GAS7: variants seen among roughly 807,000 people sequenced by gnomAD.
GAS7 encodes the protein growth arrest specific 7.
GAS7 carries 28 observed loss-of-function variants against 71.1 expected under a neutral mutation model. That is an observed-to-expected ratio of 0.39 (90% CI 0.29 to 0.54). The LOEUF is 0.54. Ranked by LOEUF, GAS7 falls within the 20% of genes least tolerant of loss-of-function variation. The pLI is 0.62. For synonymous variants in GAS7, 258 were observed against 245.8 expected (o/e 1.05, Z -0.46); for missense variants, 436 against 627.8 (o/e 0.69, Z 3.27).
chr17:9,935,454 A>G lies in GAS7; in HGVS notation c.807-1210T>C, dbSNP rs571365816. Among the ~76,000 whole-genome samples the G allele has an allele frequency of 4.5e-4, 68 of 152,368 alleles. 1 individual carries two copies. The South Asian group carries it at 0.011, about 24-fold the overall frequency. On this transcript the variant is annotated intron_variant, in intron 8 of 13. Coordinates refer to ENST00000432992, the MANE Select transcript of GAS7 (RefSeq NM_201433.2). ...CGCTTTCTTGCTCCCAGCCTCTTCA[A>G]CACAGCCAGTAAATCCAGGCTGAAT...
intron 2 of GAS7, among the ~76,000 whole-genome samples, chr17:10,017,258 G>C (rs1259046138): frequency 1.3e-5 from 2 of 152,076 alleles, no homozygotes; most frequent in South Asian, 2.1e-4. Context: ...TATGGTCCAA[G>C]GGACCAACTG....
At chr17:10,020,947 CA>C (rs1388230722) in intron 1 of GAS7, among the ~76,000 whole-genome samples, 4 of 151,964 alleles carry the variant, frequency 2.6e-5, no homozygotes, top group African/African-American at 9.7e-5. Flanking sequence ...AACAAACAAA[CA>C]AAAAACAGCC....
chr17:10,082,361 T>C (rs1461783480), intron 1 of GAS7, among the ~76,000 whole-genome samples: 2 of 152,160 alleles, frequency 1.3e-5, no homozygotes, highest in Admixed American at 6.5e-5. Flanking sequence ...ATGTGGCCAA[T>C]GTTAATACTT....
At chr17:10,052,554 G>A (rs1238210094) in intron 1 of GAS7, among the ~76,000 whole-genome samples, 1 of 152,232 alleles carries the variant, frequency 6.6e-6, no homozygotes, top group Non-Finnish European at 1.5e-5. Context: ...GTAGCTGTGA[G>A]CAGTTTTGTT....
chr17:10,164,879 T>G (rs939877172), intron 1 of GAS7, among the ~76,000 whole-genome samples: 2 of 146,764 alleles, frequency 1.4e-5, no homozygotes, highest in African/African-American at 2.5e-5. Flanking sequence ...CTGGGCGCAG[T>G]GGCTCACGCC....
intron 3 of GAS7, among the ~76,000 whole-genome samples, chr17:9,975,507 A>T (rs1297682389): frequency 8.2e-6 from 1 of 121,604 alleles, no homozygotes. Context: ...CCTTCTACCC[A>T]TCCTCCTTCC....
intron 6 of GAS7, among the ~76,000 whole-genome samples, chr17:9,946,390 C>T (rs536421776): frequency 1.3e-5 from 2 of 152,288 alleles, no homozygotes; most frequent in Admixed American, 6.5e-5. Context: ...TTTAATCTTG[C>T]AAAACTAAAA....
intron 3 of GAS7, among the ~76,000 whole-genome samples, chr17:9,970,884 G>T (rs1005317352): frequency 6.6e-6 from 1 of 152,072 alleles, no homozygotes; most frequent in African/African-American, 2.4e-5. Context: ...ATTCACACTG[G>T]GACCCACGTG....
chr17:9,938,134 G>A (rs1351079961), intron 8 of GAS7, among the ~76,000 whole-genome samples: 2 of 152,158 alleles, frequency 1.3e-5, no homozygotes, highest in Admixed American at 6.5e-5. Flanking sequence ...ATTTGGCAAT[G>A]GGGCCTTTAA....
Position 10,004,372 on chromosome 17 carries a change from T to C in GAS7, c.304+15405A>G, listed in dbSNP as rs373788147. Among the ~76,000 whole-genome samples, 16 of 152,304 alleles carry C rather than the reference T, an allele frequency of 1.1e-4. No individual in the cohort carries two copies. The East Asian group carries it at 3.1e-3, about 29-fold the overall frequency. ...ACCTACAGATCATTTCAATGCATAC[T>C]AGGAGTTTCACTGACTCGCTGGGAC... is the stretch of plus-strand genomic sequence containing the variant. On this transcript the variant is annotated intron_variant, in intron 2 of 13. Coordinates refer to ENST00000432992, the MANE Select transcript of GAS7 (RefSeq NM_201433.2).
intron 1 of GAS7, among the ~76,000 whole-genome samples, chr17:10,045,559 T>C (rs796871886): frequency 2.6e-5 from 4 of 152,164 alleles, no homozygotes; most frequent in African/African-American, 9.6e-5. Flanking sequence ...TAGCTGAGTG[T>C]GGTGGTGGTC....
At chr17:9,965,050 G>T (rs551874951) in intron 4 of GAS7, among the ~76,000 whole-genome samples, 1 of 152,228 alleles carries the variant, frequency 6.6e-6, no homozygotes, top group South Asian at 2.1e-4. Context: ...TCACAAAAAG[G>T]CCCAGGCACT....
At chr17:10,153,205 G>A (rs148484323) in intron 1 of GAS7, among the ~76,000 whole-genome samples, 755 of 17,558 alleles carry the variant, frequency 0.043, 14 homozygotes, top group African/African-American at 0.24. Context: ...GCAAGCCTCC[G>A]TCTCAAAAAA....
chr17:10,044,023 A>C (rs2152230188), intron 1 of GAS7, among the ~76,000 whole-genome samples: 1 of 152,388 alleles, frequency 6.6e-6, no homozygotes, highest in African/African-American at 2.4e-5. Context: ...TCATCTGTTT[A>C]AAAGATGAAA....
At chr17:9,968,683 C>T (rs943116426) in intron 4 of GAS7, among the ~76,000 whole-genome samples, 2 of 152,214 alleles carry the variant, frequency 1.3e-5, no homozygotes. Context: ...GTCTCAGATG[C>T]AGACAGAACC....
chr17:10,071,186 G>A (rs1311098026), intron 1 of GAS7, among the ~76,000 whole-genome samples: 9 of 151,944 alleles, frequency 5.9e-5, no homozygotes, highest in South Asian at 4.1e-4. Context: ...CCAGTGAGGC[G>A]ACTTGAGAGC....
intron 1 of GAS7, among the ~76,000 whole-genome samples, chr17:10,093,552 C>T (rs1175613879): frequency 3.0e-5 from 2 of 66,056 alleles, no homozygotes; most frequent in Non-Finnish European, 5.3e-5. Context: ...GACTCCGTCT[C>T]AAAAAAAAAA....
At chr17:10,061,054 C>T (rs1381501911) in intron 1 of GAS7, among the ~76,000 whole-genome samples, 4 of 152,138 alleles carry the variant, frequency 2.6e-5, no homozygotes, top group Non-Finnish European at 2.9e-5. Context: ...GCAAATCCAC[C>T]GAAGGCTCTG....
intron 1 of GAS7, among the ~76,000 whole-genome samples, chr17:10,072,654 T>G (rs887896690): frequency 6.6e-6 from 1 of 152,260 alleles, no homozygotes; most frequent in East Asian, 1.9e-4. Context: ...CCCTCTCTGA[T>G]AGAAGCATCT....
Sources: gnomAD v4.1 joint callset for allele counts (sites outside exome capture counted in the v4.1 genomes callset) on GRCh38, gnomAD v4.1.1 for gene constraint, MANE v1.5 for transcripts, NCBI Gene and HGNC (gene_info 2026-07-23, HGNC 2026-07-21) for gene names.